Variants in SLC27A3 observed in about 807,000 individuals in gnomAD.
The protein encoded by SLC27A3 is solute carrier family 27 member 3.
Under a neutral mutation model 60.1 loss-of-function variants are expected in SLC27A3, and 60 were observed. The observed-to-expected ratio is 1.00, with a 90% CI of 0.81 to 1.24. The LOEUF is 1.24. Ranked by LOEUF, SLC27A3 falls within the 50% of genes most tolerant of loss-of-function variation. The pLI, the probability that SLC27A3 is intolerant of heterozygous loss-of-function variation, is 0.00. For synonymous variants in SLC27A3, 455 were observed against 409.0 expected, an observed-to-expected ratio of 1.11 and a Z score of -1.36; for missense variants, 1,079 against 929.9, an observed-to-expected ratio of 1.16 and a Z score of -2.09.
At position 153,777,893 on chromosome 1, in the gene SLC27A3, G is replaced by C; in HGVS notation, c.1161+8G>C. 6.2e-7 allele frequency: 1 copy of C among 1,614,158 alleles called. No homozygotes were observed. Among genetic ancestry groups the C allele is most frequent in the African/African-American group, 1.3e-5 (1 of 75,070 alleles). ...CTTGTCAACCAGCCCCCGGTGCGTG[G>C]GCACAGATCCTGGGCAGAGCTGCTG... On this transcript the variant is annotated splice_region_variant and intron_variant, in intron 4 of 9. Coordinates refer to ENST00000624995, the MANE Select transcript of SLC27A3 (RefSeq NM_024330.4).
rs1227264155 is a variant in SLC27A3 at position 153,779,385 on chromosome 1, C to T, written c.1787C>T (p.Pro596Leu). The change falls in exon 9 of 10, where the codon CCC (proline) becomes CTC (leucine). Residue 596 changes from proline to leucine, a missense_variant. Coordinates refer to ENST00000624995, the MANE Select transcript of SLC27A3 (RefSeq NM_024330.4). ...RAGMAALVLR[P>L]PHALDLMQLY... ...GGAATGGCAGCCCTAGTTCTGCGTC[C>T]CCCCCACGCTTTGGACCTTATGCAG... The T allele has an allele frequency of 1.2e-6, 2 of 1,613,150 alleles. No individual in the cohort carries two copies. The highest frequency in any genetic ancestry group is 2.2e-5 in the East Asian group (1 of 44,832).
Position 153,778,189 on chromosome 1 carries a change from G to C in SLC27A3, c.1190G>C (p.Arg397Pro). The change falls in exon 5 of 10, where the codon CGG becomes CCG. Residue 397 changes from arginine (R) to proline (P), a missense_variant. Transcript: ENST00000624995. The stretch of plus-strand genomic sequence containing the variant: ...AAGGCAGAACGTGGCCATAAGGTCC[G>C]GCTGGCAGTGGGCAGCGGGCTGCGC... The part of the protein sequence containing the change: ...PSKAERGHKV[R>P]LAVGSGLRPD... 6.2e-7 allele frequency: 1 copy of C among 1,611,712 alleles called. No homozygotes were observed. Among genetic ancestry groups the C allele is most frequent in the Non-Finnish European group, 8.5e-7 (1 of 1,179,900 alleles).
In SLC27A3 at chr1:153,776,123, G is replaced by A. The variant is rs771458827; in HGVS notation, c.626G>A (p.Cys209Tyr). 5.5e-6 allele frequency: 8 copies of A among 1,456,654 alleles called. No homozygotes were observed. The African/African-American group carries it at 7.3e-5, about 13-fold the overall frequency. The allele number at this position is 1,456,654 out of a possible 1,614,324, so 90.2% of individuals were successfully genotyped here. A position where few individuals can be genotyped will look rare whatever the true frequency, so the allele number is the denominator to read the frequency against. ...TALRRGPLLH[C>Y]LRSCGARALV... The stretch of plus-strand genomic sequence containing the variant: ...CTGCGCCGGGGCCCCCTGCTGCACT[G>A]CCTCCGCAGCTGCGGCGCGCGCGCG... Residue 209 changes from cysteine (C) to tyrosine (Y), a missense_variant, in exon 1 of 10, where the codon TGC becomes TAC. By Grantham distance (194) the Cys-to-Tyr change is radical. Coordinates refer to ENST00000624995, the MANE Select transcript of SLC27A3 (RefSeq NM_024330.4).
In SLC27A3 at chr1:153,776,114, T is replaced by G; in HGVS notation, c.617T>G (p.Leu206Arg). ...CCCACCGCCCTGCGCCGGGGCCCCC[T>G]GCTGCACTGCCTCCGCAGCTGCGGC... is the stretch of plus-strand genomic sequence containing the variant. ...FVPTALRRGP[L>R]LHCLRSCGAR... The change falls in exon 1 of 10, where the codon CTG becomes CGG. Residue 206 changes from leucine to arginine, a missense_variant. Transcript: ENST00000624995. 2 of 1,471,216 alleles carry G rather than the reference T, an allele frequency of 1.4e-6. No individual in the cohort carries two copies. Among genetic ancestry groups the G allele is most frequent in the Non-Finnish European group, 1.8e-6 (2 of 1,125,688 alleles). The allele number at this position is 1,471,216 out of a possible 1,614,324, so 91.1% of individuals were successfully genotyped here.
chr1:153,779,861 G>A lies in SLC27A3; in HGVS notation c.1911G>A (p.Gln637=). The change falls in exon 10 of 10, where the codon CAG becomes CAA. Residue 637 remains glutamine (Q), a synonymous_variant. Coordinates refer to ENST00000624995, the MANE Select transcript of SLC27A3 (RefSeq NM_024330.4). ...SLATTETFKQ[Q]KVRMANEGFD... ...CCACCACAGAGACCTTCAAACAGCA[G>A]AAAGTTCGGATGGCAAATGAGGGCT... 2 of 1,614,048 alleles carry A rather than the reference G, an allele frequency of 1.2e-6. No individual in the cohort carries two copies. The highest frequency in any genetic ancestry group is 1.7e-6 in the Non-Finnish European group (2 of 1,180,014).
At chr1:153,779,532 AC>A in intron 9 of SLC27A3, 59 bp downstream of exon 9, 2 of 1,555,876 alleles carry the variant, frequency 1.3e-6, no homozygotes, top group Non-Finnish European at 1.7e-6. Flanking sequence ...CCACATATCC[AC>A]CCCGTGTATC....
intron 4 of SLC27A3, 89 bp downstream of exon 4, chr1:153,777,974 G>A: frequency 6.3e-7 from 1 of 1,575,218 alleles, no homozygotes; most frequent in South Asian, 1.1e-5. Context: ...GGAGTTGGAG[G>A]GAGAAGCAGC....
At position 153,776,031 on chromosome 1, in the gene SLC27A3, A is replaced by G. The variant is rs1266652852; in HGVS notation, c.534A>G (p.Pro178=). 21 of 1,455,950 alleles carry G rather than the reference A, an allele frequency of 1.4e-5. No homozygotes were observed. Among genetic ancestry groups the G allele is most frequent in the Admixed American group, 2.7e-5 (1 of 37,070 alleles). The allele number at this position is 1,455,950 out of a possible 1,614,324, so 90.2% of individuals were successfully genotyped here. The change falls in exon 1 of 10, where the codon CCA becomes CCG. Residue 178 remains proline, a synonymous_variant. Transcript: ENST00000624995. ...TGGCGCTGCTCCTCCCCGCTGGCCC[A>G]GAGTTTCTGTGGCTCTGGTTCGGGC... ...ATVALLLPAG[P]EFLWLWFGLA...
At position 153,776,698 on chromosome 1, in the gene SLC27A3, G is replaced by C. The variant is rs747409588; in HGVS notation, c.848G>C (p.Cys283Ser). 11 of 1,613,986 alleles carry C rather than the reference G, an allele frequency of 6.8e-6. No individual in the cohort carries two copies. The highest frequency in any genetic ancestry group is 8.5e-6 in the Non-Finnish European group (10 of 1,179,998). ...LSSPQSITDTCLYIFTSGTTG... is the reference protein window; with the variant it reads ...LSSPQSITDTSLYIFTSGTTG... ...TCCCCCCAGAGCATAACAGACACGT[G>C]CCTGTACATCTTCACCTCTGGCACC... The change falls in exon 2 of 10, where the codon TGC becomes TCC. Residue 283 changes from cysteine (C) to serine (S), a missense_variant. Cys to Ser is a moderately radical substitution (Grantham distance 112). Transcript: ENST00000624995.
rs766248923 is a variant in SLC27A3, at chr1:153,775,455, G to T, written c.-43G>T. 94 of 1,612,710 alleles carry T rather than the reference G, an allele frequency of 5.8e-5. No homozygotes were observed. The South Asian group carries it at 8.6e-4, about 15-fold the overall frequency. On this transcript the variant is annotated 5_prime_UTR_variant, in exon 1 of 10. Coordinates refer to ENST00000624995, the MANE Select transcript of SLC27A3 (RefSeq NM_024330.4). ...GGAAGGGAGGATCAGGGATGTTTGCGAGCGGCTGGAACCAGACGGTGCCGA... is the reference window on the plus strand; with the variant it reads ...GGAAGGGAGGATCAGGGATGTTTGCTAGCGGCTGGAACCAGACGGTGCCGA...
Position 153,776,681 on chromosome 1 carries a change from G to C in SLC27A3, c.831G>C (p.Gln277His). ...GPVPGYLSSP[Q>H]SITDTCLYIF... is the part of the protein sequence containing the mutation. ...TGCCAGGATACCTCTCTTCCCCCCAGAGCATAACAGACACGTGCCTGTACA... is the reference window on the plus strand; with the variant it reads ...TGCCAGGATACCTCTCTTCCCCCCACAGCATAACAGACACGTGCCTGTACA... Residue 277 changes from glutamine (Q) to histidine (H), a missense_variant, in exon 2 of 10, where the codon CAG becomes CAC. Coordinates refer to ENST00000624995, the MANE Select transcript of SLC27A3 (RefSeq NM_024330.4). 6.2e-7 allele frequency: 1 copy of C among 1,614,158 alleles called. No individual in the cohort carries two copies. Among genetic ancestry groups the C allele is most frequent in the Non-Finnish European group, 8.5e-7 (1 of 1,180,028 alleles).
intron 6 of SLC27A3, 36 bp from the exon 7 acceptor site, chr1:153,778,651 A>G (rs756856204): frequency 1.9e-6 from 3 of 1,611,576 alleles, no homozygotes; most frequent in Non-Finnish European, 1.7e-6. Flanking sequence ...GCTCTGGGAA[A>G]GGTGACACCA....
chr1:153,779,040 T>TGACCTCA, intron 7 of SLC27A3, 74 bp from the exon 8 acceptor site: 1 of 1,515,686 alleles, frequency 6.6e-7, no homozygotes, highest in Non-Finnish European at 9.2e-7. Context: ...CACTGACCTC[T>TGACCTCA]GACCTCATCT....
rs576461726 is a variant in SLC27A3 at position 153,775,749 on chromosome 1, C to T, written c.252C>T (p.Leu84=). 7 of 1,513,318 alleles carry T rather than the reference C, an allele frequency of 4.6e-6. No individual in the cohort carries two copies. Among genetic ancestry groups the T allele is most frequent in the African/African-American group, 4.3e-5 (3 of 70,102 alleles). The allele number at this position is 1,513,318 out of a possible 1,614,324, so 93.7% of individuals were successfully genotyped here. The change falls in exon 1 of 10, where the codon CTC becomes CTT. Residue 84 remains leucine (L), a synonymous_variant. Transcript: ENST00000624995. ...LAQQRAAHTF[L]IHGSRRFSYS... ...AGCAGCGCGCCGCGCACACCTTTCT[C>T]ATTCACGGCTCGCGGCGCTTTAGCT...
Position 153,776,049 on chromosome 1 carries a change from G to C in SLC27A3, c.552G>C (p.Trp184Cys). 1 of 1,463,636 alleles carries C rather than the reference G, an allele frequency of 6.8e-7. No homozygotes were observed. The highest frequency in any genetic ancestry group is 1.4e-5 in the South Asian group (1 of 70,522). 90.7% of individuals were successfully genotyped at this position (1,463,636 alleles called of 1,614,324 possible). A position where few individuals can be genotyped will look rare whatever the true frequency, so the allele number is the denominator to read the frequency against. ...CTGGCCCAGAGTTTCTGTGGCTCTG[G>C]TTCGGGCTGGCCAAGGCCGGCCTGC... ...LPAGPEFLWLWFGLAKAGLRT... is the reference protein window; with the variant it reads ...LPAGPEFLWLCFGLAKAGLRT... The change falls in exon 1 of 10, where the codon TGG becomes TGC. Residue 184 changes from tryptophan to cysteine, a missense_variant. By Grantham distance (215) the Trp-to-Cys change is radical. Coordinates refer to ENST00000624995, the MANE Select transcript of SLC27A3 (RefSeq NM_024330.4).
chr1:153,780,000 T>C lies in SLC27A3; in HGVS notation c.2050T>C (p.Ter684ArgextTer?), dbSNP rs1673458755. 6.2e-7 allele frequency: 1 copy of C among 1,610,774 alleles called. No individual in the cohort carries two copies. Among genetic ancestry groups the C allele is most frequent in the East Asian group, 2.2e-5 (1 of 44,736 alleles). Reference protein sequence around the residue: ...SALLAGNLRI* With the variant: ...SALLAGNLRIR Reference sequence around the variant, plus strand: ...CCTCCTGGCAGGAAACCTTCGAATCTGAGAACTTCCACACCTGAGGCACCT... The same window carrying C: ...CCTCCTGGCAGGAAACCTTCGAATCCGAGAACTTCCACACCTGAGGCACCT... Residue 684 changes from the stop codon to arginine, a stop_lost, in exon 10 of 10, where the codon TGA (stop) becomes CGA (arginine). Transcript: ENST00000624995.
intron 2 of SLC27A3, 145 bp downstream of exon 2, chr1:153,776,872 G>T: frequency 1.1e-6 from 1 of 929,924 alleles, no homozygotes; most frequent in South Asian, 1.6e-5. Flanking sequence ...TCACTCCCCA[G>T]TCTCCTCACC....
rs1673329361 is a variant in SLC27A3, at chr1:153,778,183, A to T, written c.1184A>T (p.Lys395Met). ...QPPSKAERGH[K>M]VRLAVGSGLR... ...CAGAGCAAGGCAGAACGTGGCCATA[A>T]GGTCCGGCTGGCAGTGGGCAGCGGG... Residue 395 changes from lysine to methionine, a missense_variant, in exon 5 of 10, where the codon AAG becomes ATG. Physicochemically the swap from Lys to Met is moderately conservative, Grantham distance 95 (BLOSUM62 -1). Coordinates refer to ENST00000624995, the MANE Select transcript of SLC27A3 (RefSeq NM_024330.4). 1 of 1,610,970 alleles carries T rather than the reference A, an allele frequency of 6.2e-7. No individual in the cohort carries two copies. The highest frequency in any genetic ancestry group is 8.5e-7 in the Non-Finnish European group (1 of 1,179,760).
Position 153,779,135 on chromosome 1 carries a change from C to T in SLC27A3, c.1668C>T (p.Ala556=). 1.2e-6 allele frequency: 2 copies of T among 1,614,152 alleles called. No homozygotes were observed. The highest frequency in any genetic ancestry group is 1.6e-4 in the Middle Eastern group (1 of 6,062). The change falls in exon 8 of 10, where the codon GCC becomes GCT. Residue 556 remains alanine, a synonymous_variant. Transcript: ENST00000624995. ...ACAGGTGGAAGGGGGAGAATGTGGC[C>T]ACAACCGAGGTGGCAGAGGTCTTCG... is the stretch of plus-strand genomic sequence containing the variant. ...DTFRWKGENV[A]TTEVAEVFEA...
Sources: allele counts gnomAD v4.1 joint callset, GRCh38; gene constraint gnomAD v4.1.1; transcripts MANE v1.5; gene names NCBI Gene and HGNC (gene_info 2026-07-23, HGNC 2026-07-21).